Variants in RIPOR2 observed in about 807,000 individuals in gnomAD.
The protein encoded by RIPOR2 is RHO family interacting cell polarization regulator 2, also known as rho family-interacting cell polarization regulator 2.
Under a neutral mutation model 114.5 loss-of-function variants are expected in RIPOR2, and 39 were observed. That is an observed-to-expected ratio of 0.34 (90% confidence interval 0.26 to 0.44). The LOEUF is 0.44. Among genes scored for constraint, RIPOR2 ranks in the 20% least tolerant of loss-of-function variants. The pLI is 1.00. For missense variants in RIPOR2, 1,007 were observed against 1,255.1 expected (o/e 0.80, Z 2.99); for synonymous variants, 445 against 484.4 (o/e 0.92, Z 1.07).
chr6:24,927,013 C>T (rs1316692768), intron 1 of RIPOR2, among the ~76,000 whole-genome samples: 1 of 1,806 alleles, frequency 5.5e-4, no homozygotes, highest in Non-Finnish European at 8.1e-4. Flanking sequence ...ACCACCATCA[C>T]CACCACCACC....
At chr6:24,919,847 C>T (rs1304613084) in intron 1 of RIPOR2, among the ~76,000 whole-genome samples, 1 of 152,188 alleles carries the variant, frequency 6.6e-6, no homozygotes, top group African/African-American at 2.4e-5. Flanking sequence ...TGAGCCTCTT[C>T]ACCACTGAGA....
intron 1 of RIPOR2, among the ~76,000 whole-genome samples, chr6:24,958,064 A>G (rs1773124429): frequency 1.3e-5 from 2 of 152,194 alleles, no homozygotes; most frequent in Admixed American, 1.3e-4. Context: ...ATAATCTAAG[A>G]GAACAAAAAA....
intron 12 of RIPOR2, 79 bp downstream of exon 12, chr6:24,847,927 TACTAACTCCCAGCACTGTC>T (rs1562255986): frequency 4.7e-6 from 7 of 1,491,482 alleles, no homozygotes; most frequent in Non-Finnish European, 5.5e-6. Flanking sequence ...CTGATAGAAT[TACTAACTCCCAGCACTGTC>T]TCTTAAGCAT....
intron 13 of RIPOR2, chr6:24,840,309 G>A (rs1761573864): frequency 1.9e-6 from 2 of 1,050,312 alleles, no homozygotes; most frequent in African/African-American, 3.4e-5. Flanking sequence ...ACAAGAAGCA[G>A]CCCTGCTTCC....
chr6:25,028,864 T>G (rs536933592), intron 1 of RIPOR2, among the ~76,000 whole-genome samples: 43 of 152,296 alleles, frequency 2.8e-4, no homozygotes, highest in Middle Eastern at 3.4e-3. Flanking sequence ...GTATGGGGAA[T>G]AGTGGATCTG....
At chr6:25,019,565 C>T (rs887074907) in intron 1 of RIPOR2, among the ~76,000 whole-genome samples, 10 of 151,200 alleles carry the variant, frequency 6.6e-5, no homozygotes, top group African/African-American at 1.2e-4. Flanking sequence ...GTCAGGAGAT[C>T]GAGACCATCC....
At chr6:24,869,925 T>C (rs1253834415) in intron 5 of RIPOR2, among the ~76,000 whole-genome samples, 1 of 152,228 alleles carries the variant, frequency 6.6e-6, no homozygotes, top group Non-Finnish European at 1.5e-5. Flanking sequence ...TGTCATCTCT[T>C]TGAGTTGTAA....
chr6:24,934,352 A>G (rs1771615697), intron 1 of RIPOR2, among the ~76,000 whole-genome samples: 1 of 152,254 alleles, frequency 6.6e-6, no homozygotes, highest in African/African-American at 2.4e-5. Context: ...TCAAAGTAAC[A>G]CAACAGAATG....
chr6:24,836,702 A>G (rs533893488), intron 14 of RIPOR2, among the ~76,000 whole-genome samples: 2 of 152,254 alleles, frequency 1.3e-5, no homozygotes, highest in South Asian at 2.1e-4. Flanking sequence ...CAGAGCTTAG[A>G]GGCTTTGAAT....
chr6:24,852,559 C>T lies in RIPOR2; in HGVS notation c.759+16G>A, dbSNP rs1335215312. 1 of 1,607,522 alleles carries T rather than the reference C, an allele frequency of 6.2e-7. No homozygotes were observed. Among genetic ancestry groups the T allele is most frequent in the Non-Finnish European group, 8.5e-7 (1 of 1,175,016 alleles). On this transcript the variant is annotated intron_variant, in intron 9 of 21. Coordinates refer to ENST00000643898, the MANE Select transcript of RIPOR2 (RefSeq NM_001286445.3). Reference sequence around the variant, plus strand: ...CAGGTCCATAATTCCAGCACCTAGACCAAGACAATACTTACTTCATATTGA... The same window carrying T: ...CAGGTCCATAATTCCAGCACCTAGATCAAGACAATACTTACTTCATATTGA...
At chr6:24,845,598 A>G (rs1369864649) in intron 12 of RIPOR2, among the ~76,000 whole-genome samples, 1 of 152,150 alleles carries the variant, frequency 6.6e-6, no homozygotes, top group African/African-American at 2.4e-5. Context: ...CTCAAGCTCA[A>G]TTTCCACCTA....
intron 16 of RIPOR2, among the ~76,000 whole-genome samples, chr6:24,831,037 A>G (rs1363329295): frequency 6.6e-6 from 1 of 152,104 alleles, no homozygotes; most frequent in Non-Finnish European, 1.5e-5. Context: ...AATGAAGCAG[A>G]TGAAGACGTG....
At chr6:24,946,546 C>T (rs1312107621) in intron 1 of RIPOR2, among the ~76,000 whole-genome samples, 1 of 151,940 alleles carries the variant, frequency 6.6e-6, no homozygotes, top group Non-Finnish European at 1.5e-5. Flanking sequence ...GCACTCCAAC[C>T]TGGGCAACAA....
intron 7 of RIPOR2, among the ~76,000 whole-genome samples, chr6:24,863,045 C>T (rs1764230950): frequency 1.3e-5 from 2 of 152,156 alleles, no homozygotes; most frequent in Admixed American, 1.3e-4. Context: ...CTCTGCCTCC[C>T]AGGTTCAAGC....
At chr6:25,035,172 C>T (rs1189758906) in intron 1 of RIPOR2, among the ~76,000 whole-genome samples, 1 of 152,144 alleles carries the variant, frequency 6.6e-6, no homozygotes, top group Admixed American at 6.5e-5. Flanking sequence ...CTTTGTGGGG[C>T]CCAGCCGCCT....
chr6:24,902,300 C>G (rs1581754392), intron 1 of RIPOR2, among the ~76,000 whole-genome samples: 1 of 151,790 alleles, frequency 6.6e-6, no homozygotes, highest in Non-Finnish European at 1.5e-5. Flanking sequence ...CTGCAACCTC[C>G]GCCTCCTGGG....
intron 1 of RIPOR2, among the ~76,000 whole-genome samples, chr6:25,019,461 T>C (rs986477320): frequency 2.0e-5 from 3 of 152,050 alleles, no homozygotes; most frequent in African/African-American, 7.2e-5. Context: ...AGATATTAAT[T>C]CTAGTGAAAA....
At chr6:25,040,252 A>C (rs897654534) in intron 1 of RIPOR2, among the ~76,000 whole-genome samples, 1 of 151,698 alleles carries the variant, frequency 6.6e-6, no homozygotes, top group Non-Finnish European at 1.5e-5. Context: ...AGTAGTTGGG[A>C]TTACAGGTGC....
At chr6:24,973,809 C>A (rs1773904623) in intron 1 of RIPOR2, among the ~76,000 whole-genome samples, 1 of 152,092 alleles carries the variant, frequency 6.6e-6, no homozygotes, top group Non-Finnish European at 1.5e-5. Context: ...ATGGATGCAG[C>A]TGGAGGTCAT....
Sources: allele counts gnomAD v4.1 joint callset (sites outside exome capture counted in the v4.1 genomes callset), GRCh38; gene constraint gnomAD v4.1.1; transcripts MANE v1.5; gene names NCBI Gene and HGNC (gene_info 2026-07-23, HGNC 2026-07-21).